ATXN2: variants seen among roughly 807,000 people sequenced by gnomAD.
ATXN2 encodes ataxin-2.
In ATXN2, 37 loss-of-function variants were observed where a neutral mutation model predicts 138.6. The ratio of observed to expected loss-of-function variants is 0.27; its 90% CI spans 0.21 to 0.35. The LOEUF (loss-of-function observed/expected upper bound fraction) is 0.35. ATXN2 is among the 10% of genes least tolerant of loss of function. ATXN2 has a pLI of 1.00. For synonymous variants in ATXN2, 549 were observed against 543.7 expected (o/e 1.01, Z -0.13); for missense variants, 1,216 against 1,480.3 (o/e 0.82, Z 2.93).
At chr12:111,476,092 C>G (rs534425570) in intron 18 of ATXN2, among the ~76,000 whole-genome samples, 2 of 152,304 alleles carry the variant, frequency 1.3e-5, no homozygotes, top group African/African-American at 4.8e-5. Context: ...GTTAGGACTA[C>G]AGGTGTGTGC....
intron 18 of ATXN2, among the ~76,000 whole-genome samples, chr12:111,483,570 T>A (rs759328970): frequency 2.7e-5 from 4 of 150,598 alleles, no homozygotes; most frequent in Non-Finnish European, 5.9e-5. Flanking sequence ...TTGGCCAGGA[T>A]GGTTTTGTAC....
intron 5 of ATXN2, among the ~76,000 whole-genome samples, chr12:111,548,149 C>A (rs567472438): frequency 6.6e-6 from 1 of 151,818 alleles, no homozygotes; most frequent in Non-Finnish European, 1.5e-5. Context: ...GCCAAGATCA[C>A]GCCACTGTAC....
chr12:111,498,609 G>A lies in ATXN2; in HGVS notation c.1936-9829C>T, dbSNP rs572935927. Among the ~76,000 whole-genome samples the A allele has an allele frequency of 2.6e-5, 4 of 152,214 alleles. No homozygotes were observed. The South Asian group carries it at 8.3e-4, about 32-fold the overall frequency. On this transcript the variant is annotated intron_variant, in intron 14 of 24. Coordinates refer to ENST00000673436, the MANE Select transcript of ATXN2 (RefSeq NM_001372574.1). ...GAGATTCCATGTTTATGGATTAGAAGAATTAATATTGCTAAAATGTTGATA... is the reference window on the plus strand; with the variant it reads ...GAGATTCCATGTTTATGGATTAGAAAAATTAATATTGCTAAAATGTTGATA...
chr12:111,590,833 G>A (rs1372871140), intron 1 of ATXN2, among the ~76,000 whole-genome samples: 1 of 152,090 alleles, frequency 6.6e-6, no homozygotes, highest in East Asian at 1.9e-4. Flanking sequence ...TATAGCAAGA[G>A]ATGTAGGTTG....
At chr12:111,558,999 T>C (rs1052869741) in intron 1 of ATXN2, among the ~76,000 whole-genome samples, 4 of 148,730 alleles carry the variant, frequency 2.7e-5, no homozygotes, top group African/African-American at 4.9e-5. Flanking sequence ...TACAATAGGA[T>C]AGACCTAATC....
intron 1 of ATXN2, among the ~76,000 whole-genome samples, chr12:111,566,562 C>T (rs1423243795): frequency 6.6e-6 from 1 of 151,538 alleles, no homozygotes; most frequent in Admixed American, 6.6e-5. Context: ...CTAGATGCCA[C>T]TGAGAATGCC....
At chr12:111,538,454 G>A (rs1881313791) in intron 5 of ATXN2, among the ~76,000 whole-genome samples, 1 of 151,806 alleles carries the variant, frequency 6.6e-6, no homozygotes, top group African/African-American at 2.4e-5. Context: ...GCGCTCAGAT[G>A]ATCCTCTCAC....
At chr12:111,486,005 T>A (rs1877614494) in intron 16 of ATXN2, 140 bp from the exon 17 acceptor site, 1 of 688,480 alleles carries the variant, frequency 1.5e-6, no homozygotes, top group Non-Finnish European at 2.1e-6. Flanking sequence ...ACACAGCACA[T>A]AAATTTTCAC....
At chr12:111,457,485 A>G in intron 21 of ATXN2, 126 bp from the exon 22 acceptor site, 11 of 1,054,986 alleles carry the variant, frequency 1.0e-5, no homozygotes, top group Non-Finnish European at 1.5e-5. Flanking sequence ...ACCAATTTCT[A>G]TAGATGACTC....
intron 5 of ATXN2, among the ~76,000 whole-genome samples, chr12:111,537,117 C>A (rs1325346608): frequency 6.6e-6 from 1 of 151,964 alleles, no homozygotes; most frequent in Non-Finnish European, 1.5e-5. Context: ...CTGTTCGCAG[C>A]AGGATTATGT....
chr12:111,496,745 T>C (rs1314928746), intron 14 of ATXN2, among the ~76,000 whole-genome samples: 3 of 151,552 alleles, frequency 2.0e-5, no homozygotes, highest in African/African-American at 7.3e-5. Context: ...AAAGCAACAA[T>C]AAGAGGAATG....
chr12:111,533,143 C>A (rs1880939084), intron 5 of ATXN2, among the ~76,000 whole-genome samples: 1 of 152,162 alleles, frequency 6.6e-6, no homozygotes, highest in Admixed American at 6.5e-5. Context: ...AAGCAGGATG[C>A]TACAACGCCG....
At chr12:111,511,217 G>T (rs1437903142) in intron 11 of ATXN2, 1 of 151,058 alleles carries the variant, frequency 6.6e-6, no homozygotes, top group African/African-American at 2.4e-5. Flanking sequence ...AAGGTTTAGA[G>T]AAAATGGTTC....
chr12:111,589,526 C>A (rs1884535610), intron 1 of ATXN2, among the ~76,000 whole-genome samples: 1 of 151,562 alleles, frequency 6.6e-6, no homozygotes, highest in South Asian at 2.1e-4. Context: ...AATTCCAGCA[C>A]TTCAGGAGGC....
At chr12:111,512,373 A>G (rs1879585297) in intron 11 of ATXN2, 1 of 152,172 alleles carries the variant, frequency 6.6e-6, no homozygotes, top group Admixed American at 6.5e-5. Flanking sequence ...TATGGGAACA[A>G]AGCACTAAGG....
At position 111,599,082 on chromosome 12, in the gene ATXN2, G is replaced by A. The variant is rs1885121849; in HGVS notation, c.-48C>T. The A allele has an allele frequency of 7.2e-7, 1 of 1,380,548 alleles. No individual in the cohort carries two copies. The highest frequency in any genetic ancestry group is 1.5e-5 in the African/African-American group (1 of 66,362). 85.5% of individuals were successfully genotyped at this position (1,380,548 alleles called of 1,614,324 possible). On this transcript the variant is annotated 5_prime_UTR_variant, in exon 1 of 25. Coordinates refer to ENST00000673436, the MANE Select transcript of ATXN2 (RefSeq NM_001372574.1). Reference sequence around the variant, plus strand: ...TCGCACGCCGGGCGGGGACAGCCGGGAGCCGGGCGCGCCAAGGAGACGCCG... The same window carrying A: ...TCGCACGCCGGGCGGGGACAGCCGGAAGCCGGGCGCGCCAAGGAGACGCCG...
intron 1 of ATXN2, among the ~76,000 whole-genome samples, chr12:111,568,687 C>A (rs1341356547): frequency 1.3e-5 from 2 of 152,154 alleles, no homozygotes; most frequent in East Asian, 1.9e-4. Context: ...TCTCAAACTA[C>A]CCCCTCTACA....
At chr12:111,464,777 G>A in intron 20 of ATXN2, 62 bp from the exon 21 acceptor site, 3 of 1,328,772 alleles carry the variant, frequency 2.3e-6, no homozygotes, top group Non-Finnish European at 3.2e-6. Flanking sequence ...CAAATTTTCT[G>A]GAAAGGTTGA....
chr12:111,533,185 TA>T (rs1285155583), intron 5 of ATXN2, among the ~76,000 whole-genome samples: 1 of 152,216 alleles, frequency 6.6e-6, no homozygotes, highest in Non-Finnish European at 1.5e-5. Flanking sequence ...GAACAGAACT[TA>T]GGAGGCTATG....
Sources: allele counts gnomAD v4.1 joint callset (sites outside exome capture counted in the v4.1 genomes callset), GRCh38; gene constraint gnomAD v4.1.1; transcripts MANE v1.5; gene names NCBI Gene and HGNC (gene_info 2026-07-23, HGNC 2026-07-21).